Variants in WDTC1 observed in about 807,000 individuals in gnomAD.
WDTC1 encodes WD and tetratricopeptide repeats protein 1.
A neutral mutation model predicts 76.0 loss-of-function variants in WDTC1; 12 were observed. The observed-to-expected ratio is 0.16, with a 90% confidence interval of 0.10 to 0.26. The LOEUF is 0.26. Among genes scored for constraint, WDTC1 ranks in the 10% least tolerant of loss-of-function variants. The pLI is 1.00. For missense variants in WDTC1, 511 were observed against 908.8 expected, an observed-to-expected ratio of 0.56 and a Z score of 5.63; for synonymous variants, 326 against 350.8, an observed-to-expected ratio of 0.93 and a Z score of 0.79.
chr1:27,285,633 T>C (rs1173086684), intron 5 of WDTC1, among the ~76,000 whole-genome samples: 1 of 151,994 alleles, frequency 6.6e-6, no homozygotes. Flanking sequence ...TTTTTTTTTT[T>C]TTGAGACAGA....
At chr1:27,234,461 A>T, upstream of WDTC1, 1 of 272,158 alleles carries the variant, frequency 3.7e-6, no homozygotes, top group Non-Finnish European at 6.9e-6. Context: ...GGGCTCCCCC[A>T]CTAGCAGGTT....
intron 10 of WDTC1, 51 bp from the exon 11 acceptor site, chr1:27,296,997 T>C (rs2013709959): frequency 2.0e-6 from 3 of 1,523,172 alleles, no homozygotes; most frequent in Admixed American, 3.4e-5. Flanking sequence ...CAGGAAGAAA[T>C]GGGTCCTCTT....
intron 1 of WDTC1, among the ~76,000 whole-genome samples, chr1:27,258,529 C>CAAAAA (rs113977595): frequency 8.2e-5 from 10 of 122,044 alleles, no homozygotes; most frequent in South Asian, 2.8e-4. Flanking sequence ...AAGACTCTGC[C>CAAAAA]AAAAAAAAAA....
chr1:27,298,146 A>ATGCCC, intron 12 of WDTC1, 35 bp downstream of exon 12: 1 of 1,531,512 alleles, frequency 6.5e-7, no homozygotes, highest in Non-Finnish European at 8.8e-7. Context: ...CTGGGTCAGG[A>ATGCCC]TGAGGGAGAA....
intron 3 of WDTC1, among the ~76,000 whole-genome samples, chr1:27,265,438 T>G (rs2012630587): frequency 6.6e-6 from 1 of 152,178 alleles, no homozygotes; most frequent in African/African-American, 2.4e-5. Flanking sequence ...TTTAGTGAAT[T>G]AAGAATATGC....
intron 3 of WDTC1, among the ~76,000 whole-genome samples, chr1:27,273,639 C>T (rs1237591493): frequency 2.0e-5 from 3 of 152,176 alleles, no homozygotes; most frequent in Non-Finnish European, 2.9e-5. Flanking sequence ...ATGGACTATA[C>T]GTTAGACAAC....
intron 11 of WDTC1, among the ~76,000 whole-genome samples, chr1:27,297,449 TGCATACAAATGGGCCTCC>T (rs2013723056): frequency 6.6e-6 from 1 of 152,230 alleles, no homozygotes; most frequent in African/African-American, 2.4e-5. Flanking sequence ...AAAAAGGGGC[TGCATACAAATGGGCCTCC>T]GCATTATATT....
chr1:27,243,706 A>G (rs1367420635), intron 1 of WDTC1, among the ~76,000 whole-genome samples: 5 of 152,102 alleles, frequency 3.3e-5, no homozygotes, highest in Non-Finnish European at 7.4e-5. Flanking sequence ...ACACTTGTAA[A>G]CTGTTAGAAT....
chr1:27,269,613 T>G (rs372017329), intron 3 of WDTC1, among the ~76,000 whole-genome samples: 5,173 of 141,476 alleles, frequency 0.037, 202 homozygotes, highest in Middle Eastern at 0.056. Flanking sequence ...TTTGTTTTTT[T>G]TTTTTCGGTT....
At chr1:27,254,822 G>A (rs1462377833) in intron 1 of WDTC1, among the ~76,000 whole-genome samples, 1 of 152,006 alleles carries the variant, frequency 6.6e-6, no homozygotes, top group Admixed American at 6.6e-5. Context: ...TTTTAGTAGA[G>A]ATGTGGTTTC....
At position 27,301,546 on chromosome 1, in the gene WDTC1, T is replaced by C; in HGVS notation, c.1468+85T>C. On this transcript the variant is annotated intron_variant, in intron 13 of 15. Coordinates refer to ENST00000319394, the MANE Select transcript of WDTC1 (RefSeq NM_001276252.2). This position sits in a 1 kb window ranked among gnomAD's most constrained non-coding sequence, Gnocchi z 5.8. Reference sequence around the variant, plus strand: ...TTCTGGAGAGGTCATGGTTCTGGGATTGGAGAGGCCTGGGTTCAGATGTTG... The same window carrying C: ...TTCTGGAGAGGTCATGGTTCTGGGACTGGAGAGGCCTGGGTTCAGATGTTG... The C allele has an allele frequency of 6.1e-6, 9 of 1,463,448 alleles. No individual in the cohort carries two copies. Among genetic ancestry groups the C allele is most frequent in the Non-Finnish European group, 7.5e-6 (8 of 1,071,504 alleles). 90.7% of individuals were successfully genotyped at this position (1,463,448 alleles called of 1,614,324 possible). A position where few individuals can be genotyped will look rare whatever the true frequency, so the allele number is the denominator to read the frequency against.
chr1:27,235,070 T>A, intron 1 of WDTC1, 119 bp downstream of exon 1: 2 of 319,808 alleles, frequency 6.3e-6, no homozygotes, highest in Non-Finnish European at 1.1e-5. Flanking sequence ...CCTGGGGGCC[T>A]GAGCCTACCC....
intron 1 of WDTC1, among the ~76,000 whole-genome samples, chr1:27,236,624 G>GT (rs1048753452): frequency 6.6e-6 from 1 of 151,862 alleles, no homozygotes; most frequent in Non-Finnish European, 1.5e-5. Context: ...ACAATTGACA[G>GT]TTTTTTTTAG....
chr1:27,296,203 T>TC, intron 9 of WDTC1, 123 bp from the exon 10 acceptor site: 1 of 1,161,518 alleles, frequency 8.6e-7, no homozygotes, highest in Admixed American at 1.8e-5. Context: ...GCTTGATTGT[T>TC]CTATGCTCAA....
At chr1:27,241,194 A>C (rs1461971083) in intron 1 of WDTC1, among the ~76,000 whole-genome samples, 1 of 152,110 alleles carries the variant, frequency 6.6e-6, no homozygotes, top group South Asian at 2.1e-4. Context: ...CAGTGCCAAG[A>C]ATAATGACCC....
chr1:27,241,137 C>T (rs1206742856), intron 1 of WDTC1, among the ~76,000 whole-genome samples: 1 of 152,034 alleles, frequency 6.6e-6, no homozygotes. Context: ...TATTTATTAT[C>T]TTCTTTTAGG....
chr1:27,236,052 C>T (rs561168811), intron 1 of WDTC1, among the ~76,000 whole-genome samples: 1 of 152,284 alleles, frequency 6.6e-6, no homozygotes, highest in Admixed American at 6.5e-5. Flanking sequence ...CCTAGGACAC[C>T]GGTATGCCCA....
chr1:27,298,252 T>G, intron 12 of WDTC1, 141 bp downstream of exon 12: 1 of 1,044,404 alleles, frequency 9.6e-7, no homozygotes, highest in Non-Finnish European at 1.3e-6. Flanking sequence ...TAGGGCTTCT[T>G]GGCCTCTCCT....
At chr1:27,285,622 C>CTT (rs1267668594) in intron 5 of WDTC1, among the ~76,000 whole-genome samples, 1 of 144,414 alleles carries the variant, frequency 6.9e-6, no homozygotes, top group Non-Finnish European at 1.5e-5. Flanking sequence ...TGTTTCTTTT[C>CTT]TTTTTTTTTT....
Sources: gnomAD v4.1 joint callset for allele counts (sites outside exome capture counted in the v4.1 genomes callset) on GRCh38, gnomAD v4.1.1 for gene constraint, Gnocchi (gnomAD v3.1) non-coding constraint, MANE v1.5 for transcripts, NCBI Gene and HGNC (gene_info 2026-07-23, HGNC 2026-07-21) for gene names.